TFB1M: variants seen among roughly 807,000 people sequenced by gnomAD.
TFB1M encodes transcription factor B1, mitochondrial, also known as dimethyladenosine transferase 1, mitochondrial.
A neutral mutation model predicts 31.1 loss-of-function variants in TFB1M; 27 were observed. The observed-to-expected ratio is 0.87, with a 90% CI of 0.64 to 1.20. The LOEUF is 1.20. TFB1M is among the 50% of genes most tolerant of loss of function. The pLI is 0.00. For synonymous variants in TFB1M, 166 were observed against 151.8 expected, an observed-to-expected ratio of 1.09 and a Z score of -0.69; for missense variants, 394 against 418.7, an observed-to-expected ratio of 0.94 and a Z score of 0.51.
the TFB1M span, chr6:155,232,988 C>T: frequency 6.6e-6 from 1 of 152,150 alleles, no homozygotes; most frequent in Non-Finnish European, 1.5e-5. Flanking sequence ...TTTCTGAGCC[C>T]AAGCAACACA....
the TFB1M span, among the ~76,000 whole-genome samples, chr6:155,234,989 CGG>C: frequency 2.6e-5 from 4 of 151,544 alleles, no homozygotes; most frequent in Non-Finnish European, 5.9e-5. Flanking sequence ...GAGCTAGAGA[CGG>C]AGCACAGCTA....
At position 155,257,877 on chromosome 6, in the gene TFB1M, C is replaced by T. The variant is rs1784175250; in HGVS notation, c.1000G>A (p.Glu334Lys). ...EELKRRKSKN[E>K]EKEEDDAENY... ...TCTGCGTCATCCTCTTCTTTTTCTT[C>T]ATTTTTGCTTTTTCTTCGCTTGAGT... The change falls in exon 7 of 7, where the codon GAA (glutamate) becomes AAA (lysine). Residue 334 changes from glutamate (E) to lysine (K), a missense_variant. By Grantham distance (56) the Glu-to-Lys change is moderately conservative. Coordinates refer to ENST00000367166, the MANE Select transcript of TFB1M (RefSeq NM_016020.4). 1 of 1,614,038 alleles carries T rather than the reference C, an allele frequency of 6.2e-7. No homozygotes were observed. Among genetic ancestry groups the T allele is most frequent in the Non-Finnish European group, 8.5e-7 (1 of 1,180,002 alleles).
chr6:155,261,955 A>C (rs1344902322), intron 5 of TFB1M, among the ~76,000 whole-genome samples: 11 of 152,186 alleles, frequency 7.2e-5, no homozygotes, highest in Non-Finnish European at 1.5e-4. Flanking sequence ...GCTCTTAATA[A>C]ATTTTAGTAA....
Position 155,256,498 on chromosome 6 carries a change from TTAAAAG to T in TFB1M, c.*1332_*1337del. On this transcript the variant is annotated 3_prime_UTR_variant, in exon 7 of 7. Coordinates refer to ENST00000367166, the MANE Select transcript of TFB1M (RefSeq NM_016020.4). Reference sequence around the variant, plus strand: ...TCTCACTGTAGCTTCATCCAGGTCTTTAAAAGTCCTGAAGAATTCCTCCAGCAACGA... The same window carrying T: ...TCTCACTGTAGCTTCATCCAGGTCTTTCCTGAAGAATTCCTCCAGCAACGA... 6.2e-7 allele frequency: 1 copy of T among 1,614,200 alleles called. No homozygotes were observed. The highest frequency in any genetic ancestry group is 1.1e-5 in the South Asian group (1 of 91,084).
At chr6:155,286,613 A>ATGTGTG (rs1344972599) in intron 4 of TFB1M, among the ~76,000 whole-genome samples, 12 of 140,416 alleles carry the variant, frequency 8.5e-5, no homozygotes, top group African/African-American at 3.3e-4. Flanking sequence ...GTGTGTATAT[A>ATGTGTG]TATGTGTATA....
At chr6:155,295,586 T>C (rs1234512483) in intron 4 of TFB1M, among the ~76,000 whole-genome samples, 1 of 152,050 alleles carries the variant, frequency 6.6e-6, no homozygotes, top group East Asian at 1.9e-4. Context: ...TTCCCTTTAT[T>C]AAGTCATCCA....
At chr6:155,282,788 T>C (rs1776431978) in intron 5 of TFB1M, among the ~76,000 whole-genome samples, 1 of 151,758 alleles carries the variant, frequency 6.6e-6, no homozygotes, top group South Asian at 2.1e-4. Context: ...AGTGCAGTGG[T>C]GCCATCTCGC....
the TFB1M span, among the ~76,000 whole-genome samples, chr6:155,242,546 C>G: frequency 6.6e-6 from 1 of 152,186 alleles, no homozygotes; most frequent in South Asian, 2.1e-4. Flanking sequence ...TGAACTAAGG[C>G]CAGAAAGTTC....
the TFB1M span, among the ~76,000 whole-genome samples, chr6:155,229,948 GA>G: frequency 6.6e-6 from 1 of 151,964 alleles, no homozygotes; most frequent in Non-Finnish European, 1.5e-5. Context: ...CAGCATGGGA[GA>G]AACCCACCCC....
chr6:155,247,583 C>T, the TFB1M span, among the ~76,000 whole-genome samples: 1 of 152,252 alleles, frequency 6.6e-6, no homozygotes. Context: ...CCGCCTCAGC[C>T]TCCCAAAGTG....
At chr6:155,304,868 A>G (rs937595818) in intron 2 of TFB1M, among the ~76,000 whole-genome samples, 1 of 151,592 alleles carries the variant, frequency 6.6e-6, no homozygotes, top group Admixed American at 6.6e-5. Flanking sequence ...GAAACAATAG[A>G]CCTATAGATA....
At chr6:155,261,394 T>C (rs1039323451) in intron 5 of TFB1M, among the ~76,000 whole-genome samples, 1 of 152,112 alleles carries the variant, frequency 6.6e-6, no homozygotes, top group Non-Finnish European at 1.5e-5. Context: ...GGAACTCCAT[T>C]GTTGAAATCC....
At chr6:155,259,369 A>G in intron 6 of TFB1M, among the ~76,000 whole-genome samples, 1 of 152,246 alleles carries the variant, frequency 6.6e-6, no homozygotes, top group Admixed American at 6.5e-5. Context: ...AATTAGAGGC[A>G]ACAAGTGGCA....
the TFB1M span, chr6:155,244,862 G>A: frequency 6.8e-7 from 1 of 1,469,212 alleles, no homozygotes; most frequent in African/African-American, 1.4e-5. Context: ...TCTCTCATGA[G>A]AAAGAATTTC....
At chr6:155,301,699 TAA>T (rs1777436571) in intron 2 of TFB1M, among the ~76,000 whole-genome samples, 1 of 152,040 alleles carries the variant, frequency 6.6e-6, no homozygotes, top group Non-Finnish European at 1.5e-5. Context: ...CAGTTTAGAG[TAA>T]AAGGCATCAT....
chr6:155,295,970 C>T (rs571299334), intron 4 of TFB1M, among the ~76,000 whole-genome samples: 162 of 152,234 alleles, frequency 1.1e-3, no homozygotes, highest in African/African-American at 3.8e-3. Flanking sequence ...AATCAATCCC[C>T]TATGGATACC....
chr6:155,314,044 AGC>A, intron 1 of TFB1M: 1 of 1,349,336 alleles, frequency 7.4e-7, no homozygotes, highest in Non-Finnish European at 9.7e-7. Context: ...TCCCCTAGGG[AGC>A]TTGGCATTTA....
rs538864468 is a variant in TFB1M, at chr6:155,309,045, T to C, written c.285+2143A>G. ...TAATTTTGTTTCTACTAAAAACAAA[T>C]GAGAAGTCAAATATACATTTCCTCT... On this transcript the variant is annotated intron_variant, in intron 2 of 6. Coordinates refer to ENST00000367166, the MANE Select transcript of TFB1M (RefSeq NM_016020.4). 7.1e-4 allele frequency among the ~76,000 whole-genome samples: 108 copies of C among 152,326 alleles called. 1 individual carries two copies. The highest frequency in any genetic ancestry group is 2.5e-3 in the African/African-American group (106 of 41,578).
Position 155,301,384 on chromosome 6 carries a change from T to C in TFB1M, c.286-2799A>G, listed in dbSNP as rs1471864583. Among the ~76,000 whole-genome samples the C allele has an allele frequency of 2.0e-5, 3 of 152,330 alleles. No homozygotes were observed. In the East Asian group the frequency reaches 5.8e-4, roughly 29 times the overall value. On this transcript the variant is annotated intron_variant, in intron 2 of 6. Coordinates refer to ENST00000367166, the MANE Select transcript of TFB1M (RefSeq NM_016020.4). ...CCCTTTTAAACACTTCAAATGATAT[T>C]AGGCAATAACACATGAAGACCTTCT...
Sources: gnomAD v4.1 joint callset for allele counts (sites outside exome capture counted in the v4.1 genomes callset) on GRCh38, gnomAD v4.1.1 for gene constraint, MANE v1.5 for transcripts, NCBI Gene and HGNC (gene_info 2026-07-23, HGNC 2026-07-21) for gene names.